The following RPH3AL variants were observed in gnomAD, a reference collection of about 807,000 sequenced individuals.
RPH3AL encodes rabphilin 3A like (without C2 domains).
RPH3AL carries 38 observed loss-of-function variants against 43.1 expected under a neutral mutation model. That is an observed-to-expected ratio of 0.88 (90% CI 0.68 to 1.15). The LOEUF is 1.15. Ranked by LOEUF, RPH3AL falls within the 50% of genes most tolerant of loss-of-function variation. The pLI is 0.00. For missense variants in RPH3AL, 462 were observed against 423.2 expected, an observed-to-expected ratio of 1.09 and a Z score of -0.81; for synonymous variants, 189 against 176.3, an observed-to-expected ratio of 1.07 and a Z score of -0.57.
rs79184799 is a variant in RPH3AL at position 274,295 on chromosome 17, C to T, written c.438+7473G>A. Among the ~76,000 whole-genome samples, 445 of 152,326 alleles carry T rather than the reference C, an allele frequency of 2.9e-3. 2 individuals are homozygous for T. Among genetic ancestry groups the T allele is most frequent in the African/African-American group, 0.01 (424 of 41,582 alleles). ...TCAGGTGAGGGGATGAGGCGGGAGA[C>T]GGGAGGCGTGCCATGGACCACCTGG... On this transcript the variant is annotated intron_variant, in intron 6 of 9. Transcript: ENST00000331302. The surrounding 1 kb of genome is among the most constrained non-coding windows in gnomAD (Gnocchi z 4.7).
chr17:304,229 G>A (rs568741118), intron 5 of RPH3AL, among the ~76,000 whole-genome samples: 14 of 151,234 alleles, frequency 9.3e-5, no homozygotes, highest in African/African-American at 2.4e-4. Context: ...CTCAGGCACC[G>A]TTTTAAGAGT....
intron 1 of RPH3AL, among the ~76,000 whole-genome samples, chr17:342,399 T>C (rs1392329322): frequency 6.6e-6 from 1 of 152,228 alleles, no homozygotes; most frequent in Non-Finnish European, 1.5e-5. Flanking sequence ...AATTAAAACC[T>C]GTACACCAAT....
At chr17:317,719 C>G (rs907018250) in intron 5 of RPH3AL, among the ~76,000 whole-genome samples, 1 of 152,244 alleles carries the variant, frequency 6.6e-6, no homozygotes, top group African/African-American at 2.4e-5. Context: ...AATGAGGTAG[C>G]TGAAGTCCTG....
intron 5 of RPH3AL, among the ~76,000 whole-genome samples, chr17:310,887 C>T (rs554083912): frequency 1.0e-3 from 152 of 152,236 alleles, no homozygotes; most frequent in Non-Finnish European, 1.5e-3. Context: ...TCCAGCGACT[C>T]GGGTTCTAGG....
chr17:335,309 G>T (rs1373446789), intron 1 of RPH3AL, among the ~76,000 whole-genome samples: 3 of 152,174 alleles, frequency 2.0e-5, no homozygotes, highest in Non-Finnish European at 2.9e-5. Context: ...GCTGGGGGAA[G>T]TCGCTGTGCC....
Position 321,406 on chromosome 17 carries a change from C to A in RPH3AL, c.87G>T (p.Thr29=). The change falls in exon 4 of 10, where the codon ACG becomes ACT. Residue 29 remains threonine, a synonymous_variant. Transcript: ENST00000331302. The stretch of plus-strand genomic sequence containing the variant: ...TCTGGTAGGTGTGCACGGACCAGCC[C>A]GTCTGCAGCCTCGAGAGGGAACAGC... The part of the protein sequence containing the change: ...RQLALRAKLQ[T]GWSVHTYQTE... The A allele has an allele frequency of 6.2e-7, 1 of 1,607,128 alleles. No individual in the cohort carries two copies. The highest frequency in any genetic ancestry group is 2.2e-5 in the East Asian group (1 of 44,808).
chr17:270,261 T>G (rs1431191797), intron 6 of RPH3AL, among the ~76,000 whole-genome samples: 1 of 151,898 alleles, frequency 6.6e-6, no homozygotes, highest in Non-Finnish European at 1.5e-5. Flanking sequence ...GCAGCAAAAA[T>G]CCAAACTGCA....
chr17:242,835 T>G (rs1424870636), intron 7 of RPH3AL, among the ~76,000 whole-genome samples: 4 of 132,414 alleles, frequency 3.0e-5, no homozygotes, highest in African/African-American at 5.6e-5. Flanking sequence ...TTGATTACCC[T>G]TCCTCTATTG....
chr17:249,477 A>G (rs535624673), intron 6 of RPH3AL, among the ~76,000 whole-genome samples: 6 of 152,086 alleles, frequency 3.9e-5, no homozygotes, highest in African/African-American at 1.2e-4. Flanking sequence ...TCCACAGAGG[A>G]GAGGCCCATG....
chr17:241,098 A>AATAATAATAATAATC (rs763128192), intron 7 of RPH3AL, among the ~76,000 whole-genome samples: 24 of 94,426 alleles, frequency 2.5e-4, no homozygotes, highest in South Asian at 7.4e-4. Flanking sequence ...TAATAATAAT[A>AATAATAATAATAATC]ATCTTGTTGG....
chr17:263,605 T>C (rs569936855), intron 6 of RPH3AL, among the ~76,000 whole-genome samples: 167 of 152,324 alleles, frequency 1.1e-3, no homozygotes, highest in Non-Finnish European at 2.3e-3. Context: ...GATGCTGATA[T>C]TATTAAATCC....
chr17:272,957 T>TACGTCAGGGTGAGACCCCAGCGAGGGCG (rs2042519498), intron 6 of RPH3AL, among the ~76,000 whole-genome samples: 1 of 26,754 alleles, frequency 3.7e-5, no homozygotes, highest in African/African-American at 9.5e-5. Flanking sequence ...CAGCAAGGGC[T>TACGTCAGGGTGAGACCCCAGCGAGGGCG]ACGTCAGGGT....
rs1472404465 is a variant in RPH3AL, at chr17:322,041, T to C, written c.78-626A>G. Among the ~76,000 whole-genome samples, 1 of 152,102 alleles carries C rather than the reference T, an allele frequency of 6.6e-6. No homozygotes were observed. Among genetic ancestry groups the C allele is most frequent in the Non-Finnish European group, 1.5e-5 (1 of 68,014 alleles). On this transcript the variant is annotated intron_variant, in intron 3 of 9. Transcript: ENST00000331302. This position sits in a 1 kb window ranked among gnomAD's most constrained non-coding sequence, Gnocchi z 4.0. ...AATTAGGGTGAAGACACAGCGTTGA[T>C]ATGAACACTTTGAAAACTAGCAGGT...
At chr17:280,966 C>G (rs2042764752) in intron 6 of RPH3AL, among the ~76,000 whole-genome samples, 2 of 152,168 alleles carry the variant, frequency 1.3e-5, no homozygotes, top group Admixed American at 1.3e-4. Context: ...ATCTGGAAGA[C>G]CAGCTGCACG....
At chr17:326,300 C>G (rs984944671) in intron 3 of RPH3AL, among the ~76,000 whole-genome samples, 1 of 152,270 alleles carries the variant, frequency 6.6e-6, no homozygotes, top group African/African-American at 2.4e-5. Flanking sequence ...TTCCATCCCC[C>G]TTTGATGTTT....
Position 310,926 on chromosome 17 carries a change from G to C in RPH3AL, c.351+8494C>G, listed in dbSNP as rs529565019. Among the ~76,000 whole-genome samples, 66 of 152,208 alleles carry C rather than the reference G, an allele frequency of 4.3e-4. No homozygotes were observed. In the Middle Eastern group the frequency reaches 0.01, roughly 24 times the overall value. On this transcript the variant is annotated intron_variant, in intron 5 of 9. Transcript: ENST00000331302. ...CCACCCCCTACAGCAGGGCCCCCAG[G>C]GGGGCAGTGCCTCTGCGATCATCTC...
Position 322,261 on chromosome 17 carries a change from G to A in RPH3AL, c.78-846C>T, listed in dbSNP as rs2044503514. The A allele has an allele frequency of 6.6e-6, 1 of 152,326 alleles. No individual in the cohort carries two copies. Among genetic ancestry groups the A allele is most frequent in the African/African-American group, 2.4e-5 (1 of 41,448 alleles). 9.4% of individuals were successfully genotyped at this position (152,326 alleles called of 1,614,324 possible). A position where few individuals can be genotyped will look rare whatever the true frequency, so the allele number is the denominator to read the frequency against. ...CAAACTCCTTCTATTTTTCTGGACA[G>A]GGAGAGAGTGGCAGCAGCAGATCAA... On this transcript the variant is annotated intron_variant, in intron 3 of 9. Coordinates refer to ENST00000331302, the MANE Select transcript of RPH3AL (RefSeq NM_006987.4). The surrounding 1 kb of genome is among the most constrained non-coding windows in gnomAD (Gnocchi z 4.0).
chr17:310,906 C>G (rs1349295454), intron 5 of RPH3AL, among the ~76,000 whole-genome samples: 2 of 152,166 alleles, frequency 1.3e-5, no homozygotes, highest in Non-Finnish European at 1.5e-5. Context: ...GGCCACCACC[C>G]CCTACAGCAG....
chr17:351,677 C>A (rs1284377323), intron 1 of RPH3AL, among the ~76,000 whole-genome samples: 3 of 152,150 alleles, frequency 2.0e-5, no homozygotes, highest in African/African-American at 4.8e-5. Flanking sequence ...CCGTACGATT[C>A]TTTACTTAAT....
Sources: gnomAD v4.1 joint callset for allele counts (sites outside exome capture counted in the v4.1 genomes callset) on GRCh38, gnomAD v4.1.1 for gene constraint, Gnocchi (gnomAD v3.1) non-coding constraint, MANE v1.5 for transcripts, NCBI Gene and HGNC (gene_info 2026-07-23, HGNC 2026-07-21) for gene names.